Variants in GCN1 observed in about 807,000 individuals in gnomAD.
GCN1 encodes stalled ribosome sensor GCN1.
A neutral mutation model predicts 288.4 loss-of-function variants in GCN1; 90 were observed. The ratio of observed to expected loss-of-function variants is 0.31; its 90% CI spans 0.26 to 0.37. The LOEUF (loss-of-function observed/expected upper bound fraction) is 0.37. GCN1 is among the 10% of genes least tolerant of loss of function. GCN1 has a pLI of 1.00. For missense variants in GCN1, 2,586 were observed against 3,419.9 expected (o/e 0.76, Z 6.08); for synonymous variants, 1,386 against 1,420.2 (o/e 0.98, Z 0.54).
Position 120,134,451 on chromosome 12 carries a change from C to T in GCN1, c.7203-46G>A, listed in dbSNP as rs1402726194. 10 of 1,590,680 alleles carry T rather than the reference C, an allele frequency of 6.3e-6. No homozygotes were observed. The South Asian group carries it at 9.9e-5, about 16-fold the overall frequency. On this transcript the variant is annotated intron_variant, in intron 52 of 57. Transcript: ENST00000300648. This position sits in a 1 kb window ranked among gnomAD's most constrained non-coding sequence, Gnocchi z 5.0. ...CTTAAGCCCTGGGTGCCTCCACCACCACCCCTCCTGCCAGCGCAGGCTCGG... is the reference window on the plus strand; with the variant it reads ...CTTAAGCCCTGGGTGCCTCCACCACTACCCCTCCTGCCAGCGCAGGCTCGG...
chr12:120,146,032 C>T (rs1186832718), intron 38 of GCN1, among the ~76,000 whole-genome samples: 3 of 151,980 alleles, frequency 2.0e-5, no homozygotes, highest in African/African-American at 7.2e-5. Context: ...TTTGGGAAGT[C>T]GAGGCGGGTG....
At chr12:120,166,389 G>A (rs1183627010) in intron 16 of GCN1, among the ~76,000 whole-genome samples, 4 of 129,822 alleles carry the variant, frequency 3.1e-5, no homozygotes, top group African/African-American at 1.2e-4. Context: ...GGGCAACAGA[G>A]TGAGACTGTC....
intron 42 of GCN1, among the ~76,000 whole-genome samples, chr12:120,143,528 G>A (rs1877264032): frequency 6.6e-6 from 1 of 150,700 alleles, no homozygotes; most frequent in Non-Finnish European, 1.5e-5. Flanking sequence ...GTTGCGGTGA[G>A]CCGAGATCAT....
chr12:120,191,079 C>G (rs183381844), intron 1 of GCN1, among the ~76,000 whole-genome samples: 2 of 152,142 alleles, frequency 1.3e-5, no homozygotes, highest in Non-Finnish European at 2.9e-5. Flanking sequence ...AATGAGATTG[C>G]GTATAAGGTG....
intron 1 of GCN1, among the ~76,000 whole-genome samples, chr12:120,192,211 T>A (rs1404028689): frequency 6.6e-6 from 1 of 152,212 alleles, no homozygotes; most frequent in South Asian, 2.1e-4. Context: ...GGAGATCAGG[T>A]ATTCCATCAA....
In GCN1 at chr12:120,158,165, C is replaced by G. The variant is rs749343237; in HGVS notation, c.2906-135G>C. 1.5e-4 allele frequency: 123 copies of G among 810,366 alleles called. No homozygotes were observed. The highest frequency in any genetic ancestry group is 2.3e-4 in the Non-Finnish European group (117 of 517,404). 50.2% of individuals were successfully genotyped at this position (810,366 alleles called of 1,614,324 possible). A position where few individuals can be genotyped will look rare whatever the true frequency, so the allele number is the denominator to read the frequency against. ...TTCTGACACCTGGAAGCACATGGCA[C>G]GAGGACAGAGACAGCAGCTGGTAGT... On this transcript the variant is annotated intron_variant, in intron 25 of 57. Transcript: ENST00000300648. The surrounding 1 kb of genome is among the most constrained non-coding windows in gnomAD (Gnocchi z 4.3).
intron 22 of GCN1, among the ~76,000 whole-genome samples, chr12:120,161,149 C>G (rs549891642): frequency 6.6e-6 from 1 of 152,176 alleles, no homozygotes; most frequent in East Asian, 1.9e-4. Context: ...CTGTACCAGG[C>G]GCTGTGCCTG....
intron 2 of GCN1, among the ~76,000 whole-genome samples, chr12:120,188,440 G>GA (rs1229562559): frequency 0.41 from 47,957 of 115,760 alleles, 10,340 homozygotes; most frequent in South Asian, 0.63. Context: ...TCTCACCAAA[G>GA]AAAAAAAAAA....
intron 24 of GCN1, 61 bp downstream of exon 24, chr12:120,159,764 C>T (rs1203867831): frequency 1.4e-6 from 2 of 1,443,954 alleles, no homozygotes; most frequent in Non-Finnish European, 1.9e-6. Flanking sequence ...AGGGGCACAC[C>T]CTGTCCAAGC....
In GCN1 at chr12:120,137,428, TG is replaced by T; in HGVS notation, c.6664-110del. On this transcript the variant is annotated intron_variant, in intron 49 of 57. Coordinates refer to ENST00000300648, the MANE Select transcript of GCN1 (RefSeq NM_006836.2). This position sits in a 1 kb window ranked among gnomAD's most constrained non-coding sequence, Gnocchi z 5.2. ...GAGTATAAACAAGACTTGCCACGAG[TG>T]GGTAAACGCCGAAGCTGAGTGACAG... is the stretch of plus-strand genomic sequence containing the variant. The T allele has an allele frequency of 7.2e-7, 1 of 1,397,504 alleles. No individual in the cohort carries two copies. Among genetic ancestry groups the T allele is most frequent in the Non-Finnish European group, 1.0e-6 (1 of 990,590 alleles). 86.6% of individuals were successfully genotyped at this position (1,397,504 alleles called of 1,614,324 possible). A position where few individuals can be genotyped will look rare whatever the true frequency, so the allele number is the denominator to read the frequency against.
chr12:120,136,658 G>C lies in GCN1; in HGVS notation c.6852C>G (p.Ala2284=). ...TGSPEQKEEA[A]KALGLVIRLT... ...GGCGGATTACCAAGCCTAAGGCTTTGGCTGCCTCCTCCTTCTGCTCAGGGC... is the reference window on the plus strand; with the variant it reads ...GGCGGATTACCAAGCCTAAGGCTTTCGCTGCCTCCTCCTTCTGCTCAGGGC... Residue 2284 remains alanine (A), a synonymous_variant, in exon 51 of 58, where the codon GCC becomes GCG. Transcript: ENST00000300648. 1 of 1,614,168 alleles carries C rather than the reference G, an allele frequency of 6.2e-7. No homozygotes were observed. The highest frequency in any genetic ancestry group is 1.1e-5 in the South Asian group (1 of 91,080).
At chr12:120,165,093 G>A (rs1282346965) in intron 16 of GCN1, among the ~76,000 whole-genome samples, 1 of 150,414 alleles carries the variant, frequency 6.6e-6, no homozygotes, top group East Asian at 1.9e-4. Flanking sequence ...CGCCCAGGCT[G>A]GAGTGCAGTG....
At chr12:120,175,345 G>A (rs1435890376) in intron 11 of GCN1, 133 bp from the exon 12 acceptor site, 6 of 836,396 alleles carry the variant, frequency 7.2e-6, no homozygotes. Flanking sequence ...GTGAAGCTGG[G>A]TTTAAAGCAA....
chr12:120,157,754 C>T (rs1192159277), intron 26 of GCN1, 95 bp downstream of exon 26: 6 of 1,015,654 alleles, frequency 5.9e-6, no homozygotes, highest in Non-Finnish European at 8.7e-6. Context: ...TCTCTATTTC[C>T]CCACCAGGAA....
intron 7 of GCN1, 74 bp from the exon 8 acceptor site, chr12:120,177,826 G>T: frequency 9.4e-7 from 1 of 1,062,682 alleles, no homozygotes; most frequent in Non-Finnish European, 1.5e-6. Flanking sequence ...GGTCCCTCTT[G>T]TGAGAGTGCC....
In GCN1 at chr12:120,141,021, A is replaced by C; in HGVS notation, c.5832T>G (p.Ile1944Met). ...CAAGATCTCCCAATGTTCTCGCTGC[A>C]ATCTGTCAACAGAGACCAATCCAGG... is the stretch of plus-strand genomic sequence containing the variant. ...LASTCADKRT[I>M]AARTLGDLVR... The change falls in exon 45 of 58, where the codon ATT (isoleucine) becomes ATG (methionine). Residue 1944 changes from isoleucine to methionine, a missense_variant and splice_region_variant. Physicochemically the swap from Ile to Met is conservative, Grantham distance 10 (BLOSUM62 1). Transcript: ENST00000300648. The C allele has an allele frequency of 6.2e-7, 1 of 1,612,174 alleles. No individual in the cohort carries two copies. Among genetic ancestry groups the C allele is most frequent in the Non-Finnish European group, 8.5e-7 (1 of 1,178,870 alleles).
intron 5 of GCN1, 113 bp downstream of exon 5, chr12:120,183,456 T>C: frequency 1.4e-6 from 1 of 724,844 alleles, no homozygotes; most frequent in South Asian, 1.5e-5. Context: ...CAACTCAGAG[T>C]GTCTGGTCAC....
intron 5 of GCN1, among the ~76,000 whole-genome samples, chr12:120,179,519 C>A (rs922328431): frequency 6.6e-6 from 1 of 151,994 alleles, no homozygotes; most frequent in African/African-American, 2.4e-5. Context: ...CCTGCCTCAG[C>A]CTCCCGAGTA....
Position 120,153,996 on chromosome 12 carries a change from G to C in GCN1, c.3702-87C>G, listed in dbSNP as rs1877657376. ...CCTCTGCTGGTGCACGGCAAGGAGA[G>C]GGAGCTTGCCTGAGGCAAACACTGT... On this transcript the variant is annotated intron_variant, in intron 31 of 57. Transcript: ENST00000300648. This position sits in a 1 kb window ranked among gnomAD's most constrained non-coding sequence, Gnocchi z 4.4. The C allele has an allele frequency of 2.5e-6, 3 of 1,187,062 alleles. No individual in the cohort carries two copies. In the South Asian group the frequency reaches 4.3e-5, roughly 17 times the overall value. 73.5% of individuals were successfully genotyped at this position (1,187,062 alleles called of 1,614,324 possible). A position where few individuals can be genotyped will look rare whatever the true frequency, so the allele number is the denominator to read the frequency against.
Sources: gnomAD v4.1 joint callset for allele counts (sites outside exome capture counted in the v4.1 genomes callset) on GRCh38, gnomAD v4.1.1 for gene constraint, Gnocchi (gnomAD v3.1) non-coding constraint, MANE v1.5 for transcripts, NCBI Gene and HGNC (gene_info 2026-07-23, HGNC 2026-07-21) for gene names.